ITGA1: variants seen among roughly 807,000 people sequenced by gnomAD.
The protein encoded by ITGA1 is integrin subunit alpha 1.
ITGA1 carries 85 observed loss-of-function variants against 145.9 expected under a neutral mutation model. The observed-to-expected ratio is 0.58, with a 90% CI of 0.49 to 0.70. The LOEUF (loss-of-function observed/expected upper bound fraction) is 0.70. ITGA1 is among the 30% of genes least tolerant of loss of function. ITGA1 has a pLI of 0.00. For missense variants in ITGA1, 1,351 were observed against 1,418.7 expected (o/e 0.95, Z 0.77); for synonymous variants, 520 against 495.3 (o/e 1.05, Z -0.66).
At chr5:52,948,333 GT>G (rs1446161568) in intron 28 of ITGA1, among the ~76,000 whole-genome samples, 1 of 152,112 alleles carries the variant, frequency 6.6e-6, no homozygotes, top group Non-Finnish European at 1.5e-5. Flanking sequence ...GTTAAATTAT[GT>G]TAAAAATATA....
At chr5:52,929,951 A>C (rs1229259640) in intron 21 of ITGA1, among the ~76,000 whole-genome samples, 1 of 152,210 alleles carries the variant, frequency 6.6e-6, no homozygotes, top group Non-Finnish European at 1.5e-5. Context: ...TATAGAAGAT[A>C]CCATAATCAC....
At position 52,952,646 on chromosome 5, in the gene ITGA1, C is replaced by A; in HGVS notation, c.*195C>A. 3.5e-6 allele frequency: 1 copy of A among 283,944 alleles called. No individual in the cohort carries two copies. The highest frequency in any genetic ancestry group is 5.8e-5 in the East Asian group (1 of 17,384). The allele number at this position is 283,944 out of a possible 1,614,324, so 17.6% of individuals were successfully genotyped here. On this transcript the variant is annotated 3_prime_UTR_variant, in exon 29 of 29. Coordinates refer to ENST00000282588, the MANE Select transcript of ITGA1 (RefSeq NM_181501.2). ...CAAAAAGACATATTTTATAAAATGA[C>A]AAAAAATATTTTACATAATTACTCA...
chr5:52,792,175 C>T (rs1187316719), intron 1 of ITGA1, among the ~76,000 whole-genome samples: 2 of 152,030 alleles, frequency 1.3e-5, no homozygotes, highest in Non-Finnish European at 2.9e-5. Context: ...GTCTCTCTTC[C>T]CTAGAAACAT....
At chr5:52,892,076 G>A (rs1750160671) in intron 8 of ITGA1, among the ~76,000 whole-genome samples, 1 of 152,044 alleles carries the variant, frequency 6.6e-6, no homozygotes, top group Non-Finnish European at 1.5e-5. Flanking sequence ...GAAAACATCT[G>A]CAAAACACAT....
intron 1 of ITGA1, chr5:52,800,311 C>A: frequency 3.3e-6 from 5 of 1,498,314 alleles, no homozygotes; most frequent in Non-Finnish European, 4.6e-6. Flanking sequence ...CCCTTCCTGG[C>A]CTGCATTCCC....
chr5:52,908,836 T>A, intron 12 of ITGA1, 62 bp from the exon 13 acceptor site: 1 of 1,572,796 alleles, frequency 6.4e-7, no homozygotes, highest in Non-Finnish European at 8.7e-7. Context: ...CAAATGTAGA[T>A]TTCAGTTTCC....
rs1459714024 is a variant in ITGA1 at position 52,931,874 on chromosome 5, A to G, written c.2772-173A>G. 1.4e-5 allele frequency: 7 copies of G among 485,718 alleles called. No homozygotes were observed. The South Asian group carries it at 1.5e-4, about 11-fold the overall frequency. 30.1% of individuals were successfully genotyped at this position (485,718 alleles called of 1,614,324 possible). ...AGAATCAACTTGGGAACTTTCAACC[A>G]TACCAATCATCTCTGATCTCCTTCT... On this transcript the variant is annotated intron_variant, in intron 21 of 28. Transcript: ENST00000282588.
At chr5:52,849,506 G>C (rs778993970) in intron 2 of ITGA1, 21 bp downstream of exon 2, 5 of 1,571,886 alleles carry the variant, frequency 3.2e-6, no homozygotes, top group Middle Eastern at 2.3e-4. Context: ...GGGTTTTGTT[G>C]TTGTTATTTA....
chr5:52,911,178 G>T (rs1403135308), intron 14 of ITGA1, among the ~76,000 whole-genome samples: 1 of 133,646 alleles, frequency 7.5e-6, no homozygotes, highest in Non-Finnish European at 1.5e-5. Flanking sequence ...AGTACATATT[G>T]TATATATAGT....
intron 1 of ITGA1, among the ~76,000 whole-genome samples, chr5:52,799,166 A>C (rs778977179): frequency 6.6e-6 from 1 of 152,174 alleles, no homozygotes; most frequent in Non-Finnish European, 1.5e-5. Context: ...GCTCTCAAGA[A>C]ACTTTTAGAT....
chr5:52,845,031 A>C (rs1464034231), intron 1 of ITGA1, among the ~76,000 whole-genome samples: 1 of 152,230 alleles, frequency 6.6e-6, no homozygotes, highest in South Asian at 2.1e-4. Flanking sequence ...TCTGATTTAC[A>C]ATCATTTTGG....
intron 16 of ITGA1, among the ~76,000 whole-genome samples, chr5:52,919,373 A>G (rs1221858691): frequency 2.0e-5 from 3 of 152,020 alleles, no homozygotes; most frequent in Non-Finnish European, 4.4e-5. Flanking sequence ...CATTGAGGTG[A>G]CCCTAGTTTC....
intron 13 of ITGA1, among the ~76,000 whole-genome samples, chr5:52,909,528 AT>A (rs1159085103): frequency 1.3e-5 from 2 of 152,110 alleles, no homozygotes; most frequent in African/African-American, 4.8e-5. Context: ...AAGTTAAATA[AT>A]TTTTAATTTC....
rs1028145151 is a variant in ITGA1 at position 52,798,498 on chromosome 5, A to T, written c.61+10084A>T. Among the ~76,000 whole-genome samples, 18 of 152,306 alleles carry T rather than the reference A, an allele frequency of 1.2e-4. 2 individuals carry two copies. The highest frequency in any genetic ancestry group is 8.5e-4 in the Admixed American group (13 of 15,298). The stretch of plus-strand genomic sequence containing the variant: ...CATTTTAGGACGTTTATTTGCCAAA[A>T]TTAAGGACGTGCGCGGGGAAGACAG... On this transcript the variant is annotated intron_variant, in intron 1 of 28. Coordinates refer to ENST00000282588, the MANE Select transcript of ITGA1 (RefSeq NM_181501.2).
intron 1 of ITGA1, chr5:52,801,120 G>C: frequency 6.3e-7 from 1 of 1,594,470 alleles, no homozygotes; most frequent in Non-Finnish European, 8.6e-7. Flanking sequence ...AATTTCTTCA[G>C]GTAAAACAAT....
intron 6 of ITGA1, 72 bp from the exon 7 acceptor site, chr5:52,881,801 C>A: frequency 7.2e-7 from 1 of 1,390,896 alleles, no homozygotes; most frequent in Non-Finnish European, 9.9e-7. Flanking sequence ...ATCTGATTCA[C>A]ATGGTTAACC....
chr5:52,929,199 T>G (rs1177022041), intron 20 of ITGA1, among the ~76,000 whole-genome samples: 1 of 152,152 alleles, frequency 6.6e-6, no homozygotes, highest in African/African-American at 2.4e-5. Context: ...AGGGCCCATT[T>G]CATGCTTCAT....
At position 52,938,627 on chromosome 5, in the gene ITGA1, A is replaced by G. The variant is rs546915519; in HGVS notation, c.3079-963A>G. On this transcript the variant is annotated intron_variant, in intron 24 of 28. Transcript: ENST00000282588. The stretch of plus-strand genomic sequence containing the variant: ...ATACTGCTTAGGAAACTTTAATCTT[A>G]TTAACTTTTGTCAAGGATATTGACA... 8.5e-5 allele frequency among the ~76,000 whole-genome samples: 13 copies of G among 152,344 alleles called. No homozygotes were observed. The South Asian group carries it at 1.0e-3, about 12-fold the overall frequency.
At chr5:52,942,671 C>T (rs566493534) in intron 26 of ITGA1, among the ~76,000 whole-genome samples, 1 of 151,296 alleles carries the variant, frequency 6.6e-6, no homozygotes, top group East Asian at 2.0e-4. Flanking sequence ...GCTGGGACTA[C>T]AGGCACCCAC....
Sources: allele counts gnomAD v4.1 joint callset (sites outside exome capture counted in the v4.1 genomes callset), GRCh38; gene constraint gnomAD v4.1.1; transcripts MANE v1.5; gene names NCBI Gene and HGNC (gene_info 2026-07-23, HGNC 2026-07-21).